The following THADA variants were observed in gnomAD, a reference collection of about 807,000 sequenced individuals.
THADA encodes the protein tRNA (32-2'-O)-methyltransferase regulator THADA.
In THADA, 213 loss-of-function variants were observed where a neutral mutation model predicts 219.8. That is an observed-to-expected ratio of 0.97 (90% CI 0.87 to 1.09). THADA has a LOEUF of 1.09. THADA is among the 50% of genes least tolerant of loss of function. THADA has a pLI of 0.00. For missense variants in THADA, 2,956 were observed against 2,311.3 expected (o/e 1.28, Z -5.72); for synonymous variants, 1,018 against 828.9 (o/e 1.23, Z -3.92).
chr2:43,545,831 GATTC>G (rs1299131471), intron 20 of THADA, among the ~76,000 whole-genome samples: 1 of 152,054 alleles, frequency 6.6e-6, no homozygotes, highest in Non-Finnish European at 1.5e-5. Flanking sequence ...CCAGCTCCTG[GATTC>G]ATTAATTTTT....
intron 1 of THADA, among the ~76,000 whole-genome samples, chr2:43,595,018 TTAATC>T (rs1241818745): frequency 1.3e-5 from 2 of 152,244 alleles, no homozygotes; most frequent in African/African-American, 4.8e-5. Flanking sequence ...GGCAGCAACT[TTAATC>T]TATTTTGTTC....
intron 7 of THADA, among the ~76,000 whole-genome samples, chr2:43,583,205 T>C (rs1214039414): frequency 3.9e-5 from 6 of 152,238 alleles, no homozygotes; most frequent in African/African-American, 1.4e-4. Context: ...AGTGAACTTA[T>C]CTTCAACTCC....
chr2:43,293,970 C>T (rs1316213690), intron 31 of THADA, among the ~76,000 whole-genome samples: 4 of 152,342 alleles, frequency 2.6e-5, no homozygotes, highest in South Asian at 2.1e-4. Context: ...AGTTGCATCA[C>T]ACTGTTGACT....
intron 21 of THADA, among the ~76,000 whole-genome samples, chr2:43,534,517 T>C (rs1694302881): frequency 3.9e-5 from 6 of 152,006 alleles, no homozygotes; most frequent in South Asian, 4.1e-4. Flanking sequence ...TATCCTCTGC[T>C]CTAATTTTTA....
intron 29 of THADA, among the ~76,000 whole-genome samples, chr2:43,355,838 C>T (rs1333965403): frequency 1.3e-5 from 2 of 151,968 alleles, no homozygotes; most frequent in Admixed American, 6.6e-5. Context: ...AATTAGCCAT[C>T]GATTGATAAT....
At chr2:43,234,052 G>T (rs1379732059) in intron 36 of THADA, among the ~76,000 whole-genome samples, 12 of 152,308 alleles carry the variant, frequency 7.9e-5, no homozygotes, top group African/African-American at 2.9e-4. Flanking sequence ...TCCCGTGGGT[G>T]TTGAACCAGG....
intron 31 of THADA, among the ~76,000 whole-genome samples, chr2:43,295,766 A>T (rs1216125233): frequency 6.6e-6 from 1 of 152,204 alleles, no homozygotes; most frequent in African/African-American, 2.4e-5. Context: ...TAGACTTGCA[A>T]TAATTCGAGA....
chr2:43,592,867 G>A (rs932435151), intron 1 of THADA: 2 of 152,618 alleles, frequency 1.3e-5, no homozygotes, highest in Non-Finnish European at 2.9e-5. Flanking sequence ...TAGACTAAGA[G>A]GAGGTACTAC....
At chr2:43,309,736 G>A (rs1677271774) in intron 31 of THADA, among the ~76,000 whole-genome samples, 2 of 152,174 alleles carry the variant, frequency 1.3e-5, no homozygotes, top group Admixed American at 6.5e-5. Context: ...CCTAGGATCA[G>A]GAATGAGACA....
intron 31 of THADA, among the ~76,000 whole-genome samples, chr2:43,296,298 C>T (rs1227538407): frequency 6.6e-6 from 1 of 150,654 alleles, no homozygotes; most frequent in Non-Finnish European, 1.5e-5. Context: ...TTTTTGGAGA[C>T]AGAATCTCCC....
chr2:43,324,759 G>A (rs767347035), intron 30 of THADA, among the ~76,000 whole-genome samples: 6 of 152,116 alleles, frequency 3.9e-5, no homozygotes, highest in Non-Finnish European at 7.4e-5. Flanking sequence ...ACAAAATCCC[G>A]AAGAGCAGCA....
intron 27 of THADA, 77 bp downstream of exon 27, chr2:43,430,136 G>T (rs1290141938): frequency 1.5e-6 from 1 of 677,862 alleles, no homozygotes; most frequent in Non-Finnish European, 2.3e-6. Flanking sequence ...AAAAACAGCT[G>T]CCTAGAGGGA....
intron 33 of THADA, 115 bp from the exon 34 acceptor site, chr2:43,291,883 C>A (rs543236853): frequency 1.0e-6 from 1 of 988,128 alleles, no homozygotes; most frequent in Non-Finnish European, 1.5e-6. Flanking sequence ...AAAATCTCTA[C>A]CTCCTGGTTA....
At chr2:43,499,794 T>G (rs1161230282) in intron 24 of THADA, among the ~76,000 whole-genome samples, 1 of 151,750 alleles carries the variant, frequency 6.6e-6, no homozygotes, top group African/African-American at 2.4e-5. Flanking sequence ...GCAGCTTAAG[T>G]GAAATTCAAA....
intron 4 of THADA, among the ~76,000 whole-genome samples, chr2:43,590,366 G>A (rs11897432): frequency 0.19 from 28,200 of 151,940 alleles, 2,769 homozygotes; most frequent in Middle Eastern, 0.26. Flanking sequence ...ACCTAAGAAG[G>A]CTTTTTATAC....
chr2:43,270,844 A>G (rs1460014787), intron 36 of THADA, among the ~76,000 whole-genome samples: 5 of 152,220 alleles, frequency 3.3e-5, no homozygotes, highest in Admixed American at 2.6e-4. Context: ...GAGTGATGCC[A>G]TGAGACCCCA....
chr2:43,401,713 A>C (rs973595068), intron 28 of THADA, among the ~76,000 whole-genome samples: 2 of 152,166 alleles, frequency 1.3e-5, no homozygotes, highest in Non-Finnish European at 2.9e-5. Context: ...TATAAACCTA[A>C]ATTAACAGAA....
Position 43,560,362 on chromosome 2 carries a change from G to A in THADA, c.2335C>T (p.Leu779=), listed in dbSNP as rs750341797. 2 of 1,598,922 alleles carry A rather than the reference G, an allele frequency of 1.3e-6. No homozygotes were observed. Among genetic ancestry groups the A allele is most frequent in the Middle Eastern group, 1.7e-4 (1 of 5,992 alleles). The change falls in exon 16 of 38, where the codon CTG becomes TTG. Residue 779 remains leucine (L), a synonymous_variant. Transcript: ENST00000405975. The stretch of plus-strand genomic sequence containing the variant: ...CGACCAACATCAATATCATGACTCA[G>A]CTGATATACTGTATAAATTCTGCCT... The part of the protein sequence containing the change: ...PEGRIYTVYQ[L]SHDIDVGRFQ...
At chr2:43,323,172 T>A (rs1374546909) in intron 30 of THADA, among the ~76,000 whole-genome samples, 1 of 151,726 alleles carries the variant, frequency 6.6e-6, no homozygotes, top group African/African-American at 2.4e-5. Flanking sequence ...GACAGGGTCT[T>A]TCTCTGTTGC....
Sources: gnomAD v4.1 joint callset for allele counts (sites outside exome capture counted in the v4.1 genomes callset) on GRCh38, gnomAD v4.1.1 for gene constraint, MANE v1.5 for transcripts, NCBI Gene and HGNC (gene_info 2026-07-23, HGNC 2026-07-21) for gene names.